The following ARHGAP26 variants were observed in gnomAD, a reference collection of about 807,000 sequenced individuals.
ARHGAP26 encodes rho GTPase-activating protein 26.
A neutral mutation model predicts 104.8 loss-of-function variants in ARHGAP26; 38 were observed. The ratio of observed to expected loss-of-function variants is 0.36; its 90% CI spans 0.28 to 0.48. The LOEUF (loss-of-function observed/expected upper bound fraction) is 0.48, where lower values mean the gene tolerates loss of function less well. ARHGAP26 is among the 20% of genes least tolerant of loss of function. The pLI is 0.99. For synonymous variants in ARHGAP26, 341 were observed against 340.0 expected, an observed-to-expected ratio of 1.00 and a Z score of -0.03; for missense variants, 704 against 947.9, an observed-to-expected ratio of 0.74 and a Z score of 3.38.
intron 1 of ARHGAP26, among the ~76,000 whole-genome samples, chr5:142,827,151 T>C (rs1767453553): frequency 6.6e-6 from 1 of 152,066 alleles, no homozygotes; most frequent in African/African-American, 2.4e-5. Context: ...TTTTTTCTAA[T>C]GAAAAGCCGG....
chr5:143,225,429 T>C lies in ARHGAP26; in HGVS notation c.*2983T>C, dbSNP rs1811580873. On this transcript the variant is annotated 3_prime_UTR_variant, in exon 23 of 23. Coordinates refer to ENST00000645722, the MANE Select transcript of ARHGAP26 (RefSeq NM_001135608.3). ...ATCTCGAACTCCTGACCTCAAGTGATCTGCCCACTTCAGACCCCCAAAGTG... is the reference window on the plus strand; with the variant it reads ...ATCTCGAACTCCTGACCTCAAGTGACCTGCCCACTTCAGACCCCCAAAGTG... 1 of 192,412 alleles carries C rather than the reference T, an allele frequency of 5.2e-6. No individual in the cohort carries two copies. Among genetic ancestry groups the C allele is most frequent in the East Asian group, 8.2e-5 (1 of 12,182 alleles). 11.9% of individuals were successfully genotyped at this position (192,412 alleles called of 1,614,324 possible).
chr5:142,825,721 G>A (rs559355133), intron 1 of ARHGAP26, among the ~76,000 whole-genome samples: 1 of 152,204 alleles, frequency 6.6e-6, no homozygotes, highest in East Asian at 1.9e-4. Context: ...AAGGCAAGTA[G>A]TTAAGAGCCG....
intron 1 of ARHGAP26, among the ~76,000 whole-genome samples, chr5:142,804,648 C>T (rs565746516): frequency 2.0e-5 from 3 of 152,020 alleles, no homozygotes; most frequent in Non-Finnish European, 4.4e-5. Context: ...TGTGCCACCA[C>T]ACCCAGCTAA....
chr5:142,922,864 C>T (rs182634053), intron 10 of ARHGAP26, among the ~76,000 whole-genome samples: 1 of 152,116 alleles, frequency 6.6e-6, no homozygotes, highest in Non-Finnish European at 1.5e-5. Flanking sequence ...TTTTATTTTG[C>T]CTTCCTGCTG....
Position 142,770,738 on chromosome 5 carries a change from C to A in ARHGAP26, c.-24C>A, listed in dbSNP as rs1182657191. 3.1e-6 allele frequency: 4 copies of A among 1,304,302 alleles called. No homozygotes were observed. The highest frequency in any genetic ancestry group is 3.9e-6 in the Non-Finnish European group (4 of 1,013,036). The allele number at this position is 1,304,302 out of a possible 1,614,324, so 80.8% of individuals were successfully genotyped here. On this transcript the variant is annotated 5_prime_UTR_variant, in exon 1 of 23. Transcript: ENST00000645722. The stretch of plus-strand genomic sequence containing the variant: ...GCCCGGGCCCCGGCGGAGGCGCGCC[C>A]CCCGGCTGGGCGCCGCGCGCACCAT...
intron 1 of ARHGAP26, among the ~76,000 whole-genome samples, chr5:142,779,966 A>T (rs1435189536): frequency 1.3e-5 from 2 of 152,238 alleles, no homozygotes; most frequent in African/African-American, 4.8e-5. Flanking sequence ...GTTGTTCATA[A>T]TTCAAAAGAG....
At chr5:142,770,995 G>C in intron 1 of ARHGAP26, 80 bp downstream of exon 1, 1 of 1,487,580 alleles carries the variant, frequency 6.7e-7, no homozygotes, top group South Asian at 1.3e-5. Flanking sequence ...GGTTGCCCGC[G>C]CGTCTGCCGG....
chr5:142,830,817 G>A lies in ARHGAP26; in HGVS notation c.155-42583G>A, dbSNP rs116124038. ...GTGATTAGTCACTCAGCCAGACTGC[G>A]CCGTATCCCCCTCTCTCAGTTTGTA... is the stretch of plus-strand genomic sequence containing the variant. On this transcript the variant is annotated intron_variant, in intron 1 of 22. Transcript: ENST00000645722. 2.3e-3 allele frequency among the ~76,000 whole-genome samples: 349 copies of A among 152,232 alleles called. 4 individuals are homozygous for A. Among genetic ancestry groups the A allele is most frequent in the Non-Finnish European group, 3.5e-3 (236 of 68,010 alleles).
chr5:143,043,253 A>G (rs1369624610), intron 14 of ARHGAP26, among the ~76,000 whole-genome samples: 1 of 152,216 alleles, frequency 6.6e-6, no homozygotes, highest in African/African-American at 2.4e-5. Context: ...CTCTATTTCT[A>G]TAATTTTGTC....
chr5:142,786,681 A>C (rs1758716669), intron 1 of ARHGAP26, among the ~76,000 whole-genome samples: 1 of 89,150 alleles, frequency 1.1e-5, no homozygotes, highest in African/African-American at 4.0e-5. Context: ...TTTTTTTTTG[A>C]GATGGAGTCT....
At chr5:142,967,331 G>T (rs930071600) in intron 11 of ARHGAP26, among the ~76,000 whole-genome samples, 36 of 152,292 alleles carry the variant, frequency 2.4e-4, no homozygotes, top group Admixed American at 2.4e-3. Context: ...GAAGGTGTAT[G>T]TGGCATCAGT....
intron 20 of ARHGAP26, among the ~76,000 whole-genome samples, chr5:143,200,851 C>T (rs1188497047): frequency 6.6e-6 from 1 of 152,194 alleles, no homozygotes; most frequent in African/African-American, 2.4e-5. Context: ...GGGTCTGCCA[C>T]ATCCCTTGTC....
intron 17 of ARHGAP26, among the ~76,000 whole-genome samples, chr5:143,064,088 T>C (rs2034289497): frequency 6.6e-6 from 1 of 152,160 alleles, no homozygotes; most frequent in Admixed American, 6.5e-5. Context: ...TTCCAACATC[T>C]TTAAAGGGGG....
intron 1 of ARHGAP26, among the ~76,000 whole-genome samples, chr5:142,811,596 G>A (rs1160682366): frequency 6.6e-6 from 1 of 152,130 alleles, no homozygotes; most frequent in Non-Finnish European, 1.5e-5. Context: ...ACAATCTGAG[G>A]GACAGAATCA....
In ARHGAP26 at chr5:142,771,339, G is replaced by T; in HGVS notation, c.154+424G>T. On this transcript the variant is annotated intron_variant, in intron 1 of 22. Transcript: ENST00000645722. The stretch of plus-strand genomic sequence containing the variant: ...GTGCCCAACCGTGAGAATGGAGCGT[G>T]CCCTGCCGAGGGGGCGCTGCCTCCC... The T allele has an allele frequency of 3.2e-6, 4 of 1,232,254 alleles. No individual in the cohort carries two copies. In the African/African-American group the frequency reaches 4.6e-5, roughly 14 times the overall value. The allele number at this position is 1,232,254 out of a possible 1,614,324, so 76.3% of individuals were successfully genotyped here.
At chr5:142,821,888 T>A (rs1435811895) in intron 1 of ARHGAP26, among the ~76,000 whole-genome samples, 1 of 152,138 alleles carries the variant, frequency 6.6e-6, no homozygotes, top group Non-Finnish European at 1.5e-5. Context: ...ATAAATTGAG[T>A]CAGATCTAGA....
intron 11 of ARHGAP26, among the ~76,000 whole-genome samples, chr5:143,012,552 C>CATATATATATATATATATACGTAT (rs1778954217): frequency 4.8e-5 from 1 of 20,846 alleles, no homozygotes. Flanking sequence ...TACATACATA[C>CATATATATATATATATATACGTAT]ATATATATAT....
rs114598058 is a variant in ARHGAP26, at chr5:143,201,239, G to A, written c.1989-5959G>A. Among the ~76,000 whole-genome samples, 749 of 152,218 alleles carry A rather than the reference G, an allele frequency of 4.9e-3. 7 individuals carry two copies. Among genetic ancestry groups the A allele is most frequent in the African/African-American group, 0.017 (693 of 41,528 alleles). Reference sequence around the variant, plus strand: ...TGTTGCTGTCATTGGGCCTAGATGTGGGGGCCTGGCAGGACCCCAGGAATA... The same window carrying A: ...TGTTGCTGTCATTGGGCCTAGATGTAGGGGCCTGGCAGGACCCCAGGAATA... On this transcript the variant is annotated intron_variant, in intron 20 of 22. Transcript: ENST00000645722.
chr5:143,006,897 A>G (rs990029260), intron 11 of ARHGAP26, among the ~76,000 whole-genome samples: 1 of 152,184 alleles, frequency 6.6e-6, no homozygotes, highest in Non-Finnish European at 1.5e-5. Context: ...CATTCCACAG[A>G]CTAAGGGTGT....
Sources: allele counts gnomAD v4.1 joint callset (sites outside exome capture counted in the v4.1 genomes callset), GRCh38; gene constraint gnomAD v4.1.1; transcripts MANE v1.5; gene names NCBI Gene and HGNC (gene_info 2026-07-23, HGNC 2026-07-21).